SFI1: variants seen among roughly 807,000 people sequenced by gnomAD.
SFI1 encodes SFI1 centrin binding protein, also known as protein SFI1 homolog.
A neutral mutation model predicts 207.5 loss-of-function variants in SFI1; 195 were observed. That is an observed-to-expected ratio of 0.94 (90% confidence interval 0.84 to 1.06). SFI1 has a LOEUF of 1.06. Ranked by LOEUF, SFI1 falls within the 50% of genes least tolerant of loss-of-function variation. SFI1 has a pLI of 0.00. For missense variants in SFI1, 1,634 were observed against 1,588.0 expected (o/e 1.03, Z -0.49); for synonymous variants, 630 against 598.9 (o/e 1.05, Z -0.76).
chr22:31,613,292 C>G, intron 25 of SFI1, 62 bp from the exon 26 acceptor site: 1 of 1,606,520 alleles, frequency 6.2e-7, no homozygotes, highest in Non-Finnish European at 8.5e-7. Flanking sequence ...AGGGAGGGCA[C>G]CTGGTCTGTG....
At chr22:31,613,938 A>G in intron 27 of SFI1, 83 bp downstream of exon 27, 1 of 1,450,718 alleles carries the variant, frequency 6.9e-7, no homozygotes, top group Non-Finnish European at 9.1e-7. Context: ...AACAGCCCTG[A>G]CGGGATGGGA....
chr22:31,583,568 G>A (rs1360457183), intron 12 of SFI1, among the ~76,000 whole-genome samples: 4 of 152,198 alleles, frequency 2.6e-5, no homozygotes, highest in Non-Finnish European at 4.4e-5. Flanking sequence ...CTTCATAGGT[G>A]GGAATATGCA....
chr22:31,602,819 A>G (rs372234803), intron 17 of SFI1, 34 bp downstream of exon 17: 2 of 1,601,264 alleles, frequency 1.2e-6, no homozygotes, highest in East Asian at 2.2e-5. Flanking sequence ...AAGCCTTTCC[A>G]TCACAGGCCA....
intron 8 of SFI1, among the ~76,000 whole-genome samples, chr22:31,564,839 A>C (rs1453359403): frequency 1.9e-5 from 1 of 52,350 alleles, no homozygotes; most frequent in Non-Finnish European, 3.2e-5. Flanking sequence ...TTTGAGACGG[A>C]GTCTTGCTCT....
intron 4 of SFI1, among the ~76,000 whole-genome samples, chr22:31,537,285 T>C (rs887148350): frequency 1.3e-5 from 2 of 152,146 alleles, no homozygotes; most frequent in Non-Finnish European, 2.9e-5. Context: ...AAAACTTCCC[T>C]GGAAGTTCCC....
chr22:31,594,002 G>GGGAGAGGGAGAA (rs2066635555), intron 15 of SFI1, among the ~76,000 whole-genome samples: 1 of 82,798 alleles, frequency 1.2e-5, no homozygotes, highest in Admixed American at 1.1e-4. Flanking sequence ...GAGAGGGAGA[G>GGGAGAGGGAGAA]GGACAGGGAG....
intron 15 of SFI1, among the ~76,000 whole-genome samples, chr22:31,595,042 G>C (rs2066892324): frequency 6.6e-6 from 1 of 151,656 alleles, no homozygotes; most frequent in South Asian, 2.1e-4. Context: ...TTTCGCCCAG[G>C]CTGGCATGCA....
intron 15 of SFI1, among the ~76,000 whole-genome samples, chr22:31,593,780 G>C (rs1181277527): frequency 4.0e-5 from 6 of 150,718 alleles, no homozygotes; most frequent in East Asian, 2.0e-4. Context: ...GATCACTCGC[G>C]GTTAGGGGCT....
intron 4 of SFI1, among the ~76,000 whole-genome samples, chr22:31,545,545 TTTTAATTTAATTTAA>T (rs199762639): frequency 3.0e-5 from 4 of 134,270 alleles, no homozygotes; most frequent in East Asian, 2.1e-4. Flanking sequence ...GAGATGGAGT[TTTTAATTTAATTTAA>T]TTTAATTTAA....
At chr22:31,497,769 A>G (rs1245548308) in intron 1 of SFI1, among the ~76,000 whole-genome samples, 1 of 152,166 alleles carries the variant, frequency 6.6e-6, no homozygotes, top group African/African-American at 2.4e-5. Context: ...TTTACATCAT[A>G]TTTACAGTGT....
In SFI1 at chr22:31,528,722, A is replaced by C. The variant is rs761931666; in HGVS notation, c.125A>C (p.Tyr42Ser). ...YFKDGAVKKP[Y>S]SAKTLSNKKS... Reference sequence around the variant, plus strand: ...AAGGATGGTGCAGTTAAGAAACCTTATTCTGCAAAGACACTGTCCAACAAG... The same window carrying C: ...AAGGATGGTGCAGTTAAGAAACCTTCTTCTGCAAAGACACTGTCCAACAAG... Residue 42 changes from tyrosine (Y) to serine (S), a missense_variant, in exon 3 of 33, where the codon TAT (tyrosine) becomes TCT (serine). Transcript: ENST00000400288. 4.3e-6 allele frequency: 7 copies of C among 1,614,038 alleles called. No individual in the cohort carries two copies. In the Admixed American group the frequency reaches 1.0e-4, roughly 23 times the overall value.
chr22:31,576,352 G>T lies in SFI1; in HGVS notation c.1084+960G>T, dbSNP rs575909038. The stretch of plus-strand genomic sequence containing the variant: ...TTTTTTTTTTTTGAGACAGAGTCTC[G>T]CTCTGTCACCCAGGCTGGATTGCAG... On this transcript the variant is annotated intron_variant, in intron 10 of 32. Transcript: ENST00000400288. Among the ~76,000 whole-genome samples, 520 of 149,864 alleles carry T rather than the reference G, an allele frequency of 3.5e-3. 2 individuals are homozygous for T. The highest frequency in any genetic ancestry group is 0.012 in the African/African-American group (505 of 40,654).
chr22:31,556,262 G>A lies in SFI1; in HGVS notation c.545-680G>A, dbSNP rs530856108. The stretch of plus-strand genomic sequence containing the variant: ...TTTTGAGACGGAGTCTTGCTCTGTC[G>A]CCCAGGCTAGAGTGCAATGGCGTGA... On this transcript the variant is annotated intron_variant, in intron 6 of 32. Transcript: ENST00000400288. Among the ~76,000 whole-genome samples, 290 of 142,950 alleles carry A rather than the reference G, an allele frequency of 2.0e-3. 4 individuals carry two copies. The highest frequency in any genetic ancestry group is 8.5e-3 in the South Asian group (39 of 4,604). The allele number at this position is 142,950 out of a possible 152,430, so 93.8% of individuals were successfully genotyped here. A position where few individuals can be genotyped will look rare whatever the true frequency, so the allele number is the denominator to read the frequency against.
intron 6 of SFI1, among the ~76,000 whole-genome samples, chr22:31,554,465 C>T (rs5749301): frequency 0.084 from 12,741 of 152,060 alleles, 940 homozygotes; most frequent in East Asian, 0.38. Flanking sequence ...CCCACCACCC[C>T]GCCCGGCTAA....
At chr22:31,511,639 TG>T (rs1453123110) in intron 2 of SFI1, among the ~76,000 whole-genome samples, 4 of 151,894 alleles carry the variant, frequency 2.6e-5, no homozygotes, top group Non-Finnish European at 5.9e-5. Flanking sequence ...AAGAAGGGAA[TG>T]TATTTCCTTT....
intron 2 of SFI1, among the ~76,000 whole-genome samples, chr22:31,519,532 G>A (rs1043759503): frequency 6.6e-6 from 1 of 151,988 alleles, no homozygotes; most frequent in Non-Finnish European, 1.5e-5. Context: ...TGCCTCGTGG[G>A]TTCAAGCAAT....
At chr22:31,524,179 G>A (rs1230342767) in intron 2 of SFI1, among the ~76,000 whole-genome samples, 1 of 152,038 alleles carries the variant, frequency 6.6e-6, no homozygotes, top group African/African-American at 2.4e-5. Flanking sequence ...TCCAGCCTGG[G>A]CGACAGAGTG....
In SFI1 at chr22:31,611,239, G is replaced by A. The variant is rs558948334; in HGVS notation, c.2351G>A (p.Arg784Gln). ...QLERAVQHHH[R>Q]QLLLEGLARW... Reference sequence around the variant, plus strand: ...GAGAGGGCAGTGCAACACCACCACCGGCAGCTGCTGCTGGAGGGGCTGGCC... The same window carrying A: ...GAGAGGGCAGTGCAACACCACCACCAGCAGCTGCTGCTGGAGGGGCTGGCC... The change falls in exon 23 of 33, where the codon CGG becomes CAG. Residue 784 changes from arginine to glutamine, a missense_variant. Transcript: ENST00000400288. 2.6e-5 allele frequency: 42 copies of A among 1,613,582 alleles called. 1 individual carries two copies. Among genetic ancestry groups the A allele is most frequent in the South Asian group, 2.0e-4 (18 of 91,052 alleles).
chr22:31,547,931 G>A (rs1335375978), intron 5 of SFI1, among the ~76,000 whole-genome samples: 1 of 148,754 alleles, frequency 6.7e-6, no homozygotes, highest in Non-Finnish European at 1.5e-5. Context: ...ATAATAAATT[G>A]TGGCCGGGCA....
Sources: allele counts gnomAD v4.1 joint callset (sites outside exome capture counted in the v4.1 genomes callset), GRCh38; gene constraint gnomAD v4.1.1; transcripts MANE v1.5; gene names NCBI Gene and HGNC (gene_info 2026-07-23, HGNC 2026-07-21).